MEF2A: variants seen among roughly 807,000 people sequenced by gnomAD.
The protein encoded by MEF2A is myocyte enhancer factor 2A.
Under a neutral mutation model 55.8 loss-of-function variants are expected in MEF2A, and 28 were observed. The ratio of observed to expected loss-of-function variants is 0.50; its 90% CI spans 0.37 to 0.69. The LOEUF (loss-of-function observed/expected upper bound fraction) is 0.69, where lower values mean the gene tolerates loss of function less well. Among genes scored for constraint, MEF2A ranks in the 30% least tolerant of loss-of-function variants. The pLI, the probability that MEF2A is intolerant of heterozygous loss-of-function variation, is 0.00. For missense variants in MEF2A, 528 were observed against 626.2 expected (o/e 0.84, Z 1.67); for synonymous variants, 239 against 227.1 (o/e 1.05, Z -0.47).
chr15:99,682,067 G>A (rs184161720), intron 7 of MEF2A, among the ~76,000 whole-genome samples: 15 of 152,328 alleles, frequency 9.8e-5, no homozygotes, highest in African/African-American at 3.6e-4. Flanking sequence ...TTGCACATCA[G>A]TTGGACTTCT....
At chr15:99,702,919 A>G (rs973570290) in intron 8 of MEF2A, among the ~76,000 whole-genome samples, 1 of 152,262 alleles carries the variant, frequency 6.6e-6, no homozygotes, top group South Asian at 2.1e-4. Flanking sequence ...CTTTCTGCCA[A>G]GAAGCAGAAT....
rs763125465 is a variant in MEF2A, at chr15:99,710,623, T to C, written c.1010-11T>C. 1 of 1,604,772 alleles carries C rather than the reference T, an allele frequency of 6.2e-7. No homozygotes were observed. Among genetic ancestry groups the C allele is most frequent in the Non-Finnish European group, 8.5e-7 (1 of 1,172,166 alleles). ...CCATCATATGCAGAGCCCTCTTGTCTTCCTTTGTAGATTATTCACTGACCA... is the reference window on the plus strand; with the variant it reads ...CCATCATATGCAGAGCCCTCTTGTCCTCCTTTGTAGATTATTCACTGACCA... On this transcript the variant is annotated splice_polypyrimidine_tract_variant and intron_variant, in intron 10 of 11. Transcript: ENST00000557942.
chr15:99,619,138 A>G (rs1260446285), intron 2 of MEF2A, among the ~76,000 whole-genome samples: 1 of 152,166 alleles, frequency 6.6e-6, no homozygotes, highest in Admixed American at 6.5e-5. Flanking sequence ...TAGGGTTTAT[A>G]GTCAACGCTC....
chr15:99,613,986 T>C (rs1189339086), intron 2 of MEF2A, among the ~76,000 whole-genome samples: 1 of 152,206 alleles, frequency 6.6e-6, no homozygotes, highest in Non-Finnish European at 1.5e-5. Context: ...ATTTAAATAG[T>C]TCCGGTGGTG....
chr15:99,624,750 C>T (rs560633170), intron 2 of MEF2A, among the ~76,000 whole-genome samples: 3 of 152,100 alleles, frequency 2.0e-5, no homozygotes, highest in Non-Finnish European at 2.9e-5. Flanking sequence ...TTTGTAGATC[C>T]CTTTGTGCAG....
At chr15:99,670,949 C>A (rs1441945665) in intron 4 of MEF2A, among the ~76,000 whole-genome samples, 2 of 152,186 alleles carry the variant, frequency 1.3e-5, no homozygotes, top group African/African-American at 4.8e-5. Flanking sequence ...GATAACTTCT[C>A]AAAGCATCAT....
intron 1 of MEF2A, among the ~76,000 whole-genome samples, chr15:99,588,494 C>A (rs901734348): frequency 6.6e-6 from 1 of 151,716 alleles, no homozygotes; most frequent in Non-Finnish European, 1.5e-5. Context: ...TTAGCAGACT[C>A]AAGGTTTCAC....
At chr15:99,673,797 TTTAGA>T (rs1188139480) in intron 5 of MEF2A, among the ~76,000 whole-genome samples, 2 of 152,148 alleles carry the variant, frequency 1.3e-5, no homozygotes, top group African/African-American at 2.4e-5. Context: ...AATTTTGTTG[TTTAGA>T]TTAGATTTCT....
intron 1 of MEF2A, among the ~76,000 whole-genome samples, chr15:99,580,351 G>T (rs2152840600): frequency 6.6e-6 from 1 of 152,188 alleles, no homozygotes; most frequent in Admixed American, 6.5e-5. Flanking sequence ...CATGGTTTAG[G>T]GATAGTATTT....
chr15:99,637,674 G>T (rs966749419), intron 3 of MEF2A, among the ~76,000 whole-genome samples: 4 of 151,004 alleles, frequency 2.6e-5, no homozygotes, highest in Non-Finnish European at 5.9e-5. Flanking sequence ...ACGGAGTCTC[G>T]CTCTGTCGCC....
rs141799221 is a variant in MEF2A at position 99,711,980 on chromosome 15, G to A, written c.1137-410G>A. ...GCGACTTGCACCTTAGAGGTGTTGC[G>A]AGGATGAGCGATGTTGTGCCCTGTC... On this transcript the variant is annotated intron_variant, in intron 11 of 11. Coordinates refer to ENST00000557942, the MANE Select transcript of MEF2A (RefSeq NM_001319206.4). Among the ~76,000 whole-genome samples the A allele has an allele frequency of 8.1e-3, 1,241 of 152,322 alleles. 5 individuals are homozygous for A. Among genetic ancestry groups the A allele is most frequent in the South Asian group, 0.022 (105 of 4,830 alleles).
chr15:99,680,151 T>G (rs1272030514), intron 7 of MEF2A, among the ~76,000 whole-genome samples: 2 of 152,202 alleles, frequency 1.3e-5, no homozygotes, highest in African/African-American at 4.8e-5. Flanking sequence ...AGTCTTTTTA[T>G]GTGAGATAAT....
chr15:99,591,043 C>G (rs1425466260), intron 1 of MEF2A, among the ~76,000 whole-genome samples: 1 of 151,994 alleles, frequency 6.6e-6, no homozygotes, highest in Non-Finnish European at 1.5e-5. Context: ...CCAATCCCAC[C>G]CTTTGCAGGT....
chr15:99,574,381 A>T (rs991342662), intron 1 of MEF2A, among the ~76,000 whole-genome samples: 3 of 152,212 alleles, frequency 2.0e-5, no homozygotes, highest in Non-Finnish European at 4.4e-5. Flanking sequence ...ATTCAAGCAC[A>T]TTACATTTAT....
chr15:99,636,290 A>G (rs569271443), intron 3 of MEF2A, among the ~76,000 whole-genome samples: 1 of 152,182 alleles, frequency 6.6e-6, no homozygotes, highest in African/African-American at 2.4e-5. Context: ...TGTTTTGTCC[A>G]TGATATGCAT....
intron 7 of MEF2A, among the ~76,000 whole-genome samples, chr15:99,675,933 G>A (rs763836923): frequency 5.3e-5 from 8 of 151,976 alleles, no homozygotes; most frequent in Non-Finnish European, 1.2e-4. Flanking sequence ...CCAGCTATTC[G>A]GGAGGCCGAG....
chr15:99,708,985 G>A (rs2058335948), intron 10 of MEF2A, among the ~76,000 whole-genome samples: 1 of 152,222 alleles, frequency 6.6e-6, no homozygotes, highest in South Asian at 2.1e-4. Context: ...ACTGTCCGGA[G>A]AGCATTGGGG....
At chr15:99,570,873 A>G (rs1961935737) in intron 1 of MEF2A, among the ~76,000 whole-genome samples, 1 of 151,756 alleles carries the variant, frequency 6.6e-6, no homozygotes, top group Non-Finnish European at 1.5e-5. Context: ...TGTAAGGGAT[A>G]GAAGATTGGC....
chr15:99,634,698 CT>C (rs2043481872), intron 3 of MEF2A, among the ~76,000 whole-genome samples: 1 of 152,018 alleles, frequency 6.6e-6, no homozygotes, highest in African/African-American at 2.4e-5. Context: ...GGTAATGGAA[CT>C]TTCTGAGTTG....
Sources: gnomAD v4.1 joint callset for allele counts (sites outside exome capture counted in the v4.1 genomes callset) on GRCh38, gnomAD v4.1.1 for gene constraint, MANE v1.5 for transcripts, NCBI Gene and HGNC (gene_info 2026-07-23, HGNC 2026-07-21) for gene names.